STRC: variants seen among roughly 807,000 people sequenced by gnomAD.
STRC encodes the protein stereocilin.
A neutral mutation model predicts 103.5 loss-of-function variants in STRC; 43 were observed. The observed-to-expected ratio is 0.42, with a 90% CI of 0.33 to 0.54. STRC has a LOEUF of 0.54. STRC is among the 20% of genes least tolerant of loss of function. The probability of loss-of-function intolerance (pLI) is 0.14; values close to 1 mark genes in which losing one functional copy is unlikely to be tolerated. For synonymous variants in STRC, 186 were observed against 442.3 expected, an observed-to-expected ratio of 0.42 and a Z score of 7.27; for missense variants, 499 against 1,088.5, an observed-to-expected ratio of 0.46 and a Z score of 7.62.
chr15:43,604,909 C>G, intron 19 of STRC, 63 bp from the exon 20 acceptor site: 1 of 1,560,658 alleles, frequency 6.4e-7, no homozygotes, highest in Non-Finnish European at 8.7e-7. Flanking sequence ...ACACCTTGAT[C>G]AAGACACCAA....
chr15:43,603,241 C>G lies in STRC; in HGVS notation c.4545+1G>C, dbSNP rs766996620. ...ACCCCAGTTGGCTCTCCATCCCTAA[C>G]CTGTTTTGCTTTGCCCATGGCTGCC... is the stretch of plus-strand genomic sequence containing the variant. On this transcript the variant is annotated splice_donor_variant, in intron 23 of 28. Transcript: ENST00000450892. LOFTEE classifies it high-confidence loss of function. 6.2e-7 allele frequency: 1 copy of G among 1,613,490 alleles called. No individual in the cohort carries two copies. The highest frequency in any genetic ancestry group is 8.5e-7 in the Non-Finnish European group (1 of 1,179,718).
rs1292920304 is a variant in STRC at position 43,609,276 on chromosome 15, T to C, written c.3557A>G (p.Gln1186Arg). The C allele has an allele frequency of 1.2e-6, 2 of 1,610,490 alleles. No individual in the cohort carries two copies. Among genetic ancestry groups the C allele is most frequent in the South Asian group, 1.1e-5 (1 of 90,972 alleles). Reference protein sequence around the residue: ...VPTNLTLRNLQALGTLAGGMS... With the variant: ...VPTNLTLRNLRALGTLAGGMS... ...GCACTGCTCAACACAAGTTACTCAC[T>C]GCAGATTCCTGAGGGTAAGGTTGGT... The change falls in exon 16 of 29, where the codon CAG becomes CGG. Residue 1186 changes from glutamine (Q) to arginine (R), a missense_variant and splice_region_variant. By Grantham distance (43) the Gln-to-Arg change is conservative (BLOSUM62 1). Coordinates refer to ENST00000450892, the MANE Select transcript of STRC (RefSeq NM_153700.2).
intron 23 of STRC, 82 bp from the exon 24 acceptor site, chr15:43,601,633 C>T: frequency 6.9e-7 from 1 of 1,439,156 alleles, no homozygotes; most frequent in East Asian, 2.3e-5. Context: ...TTGCCTCTGC[C>T]CTTAGCTGTA....
intron 23 of STRC, among the ~76,000 whole-genome samples, chr15:43,602,247 C>G (rs951005669): frequency 6.6e-6 from 1 of 151,052 alleles, no homozygotes; most frequent in Non-Finnish European, 1.5e-5. Flanking sequence ...GTGGTGCGAT[C>G]TTGGCACATT....
chr15:43,600,914 A>G lies in STRC; in HGVS notation c.4802T>C (p.Leu1601Pro). ...GATGTGCTGGAGCTCCTCTGGCCGC[A>G]GTCCACAGAGAGTATAACCCAGCGC... is the stretch of plus-strand genomic sequence containing the variant. Reference protein sequence around the residue: ...LTALGYTLCGLRPEELQHISS... With the variant: ...LTALGYTLCGPRPEELQHISS... The change falls in exon 25 of 29, where the codon CTG becomes CCG. Residue 1601 changes from leucine to proline, a missense_variant. Leu to Pro is a moderately conservative substitution (Grantham distance 98). Coordinates refer to ENST00000450892, the MANE Select transcript of STRC (RefSeq NM_153700.2). 1 of 1,611,606 alleles carries G rather than the reference A, an allele frequency of 6.2e-7. No homozygotes were observed.
At position 43,608,091 on chromosome 15, in the gene STRC, G is replaced by C. The variant is rs727503444; in HGVS notation, c.3670C>G (p.Arg1224Gly). 6.2e-7 allele frequency: 1 copy of C among 1,609,880 alleles called. No homozygotes were observed. The highest frequency in any genetic ancestry group is 1.7e-5 in the Admixed American group (1 of 59,788). The change falls in exon 17 of 29, where the codon CGA becomes GGA. Residue 1224 changes from arginine (R) to glycine (G), a missense_variant. Arg to Gly is a moderately radical substitution (Grantham distance 125, BLOSUM62 -2). Coordinates refer to ENST00000450892, the MANE Select transcript of STRC (RefSeq NM_153700.2). ...HMIYQLPTRVRGSLRACIWAE... is the reference protein window; with the variant it reads ...HMIYQLPTRVGGSLRACIWAE... ...GCACCCCCTCTCACCAGGCTCCCTC[G>C]AACTCTAGTGGGCAGCTGATAGATC...
chr15:43,603,500 T>C, intron 22 of STRC, 89 bp from the exon 23 acceptor site: 11 of 1,394,716 alleles, frequency 7.9e-6, no homozygotes, highest in Non-Finnish European at 1.1e-5. Flanking sequence ...CTTCCAACCT[T>C]TGGAGGATAG....
Position 43,600,597 on chromosome 15 carries a change from C to G in STRC, c.4930G>C (p.Gly1644Arg). The G allele has an allele frequency of 1.2e-6, 2 of 1,613,708 alleles. No homozygotes were observed. Among genetic ancestry groups the G allele is most frequent in the Non-Finnish European group, 1.7e-6 (2 of 1,179,864 alleles). ...CAGTTACTGATTGGGCCAAACCCAC[C>G]AGGCAGTACAAGTAGGTGGGCCAGA... is the stretch of plus-strand genomic sequence containing the variant. ...EVLAHLLVLPGGFGPISNWGP... is the reference protein window; with the variant it reads ...EVLAHLLVLPRGFGPISNWGP... The change falls in exon 26 of 29, where the codon GGT becomes CGT. Residue 1644 changes from glycine to arginine, a missense_variant. Physicochemically the swap from Gly to Arg is moderately radical, Grantham distance 125 (BLOSUM62 -2). Coordinates refer to ENST00000450892, the MANE Select transcript of STRC (RefSeq NM_153700.2).
At position 43,610,947 on chromosome 15, in the gene STRC, G is replaced by A; in HGVS notation, c.3344C>T (p.Ala1115Val). Residue 1115 changes from alanine to valine, a missense_variant, in exon 14 of 29, where the codon GCT (alanine) becomes GTT (valine). By Grantham distance (64) the Ala-to-Val change is moderately conservative. Transcript: ENST00000450892. ...ACCAGGGATACACACAGCTGGACCA[G>A]CACCTGTTGTACCCATATTTTTAAC... ...DGVKNMGTTG[A>V]GPAVCIPGQP... is the part of the protein sequence containing the mutation. 6.2e-7 allele frequency: 1 copy of A among 1,611,786 alleles called. No homozygotes were observed. The highest frequency in any genetic ancestry group is 8.5e-7 in the Non-Finnish European group (1 of 1,178,424).
Position 43,605,372 on chromosome 15 carries a change from A to G in STRC, c.3822T>C (p.Asn1274=). Residue 1274 remains asparagine (N), a synonymous_variant, in exon 19 of 29, where the codon AAT becomes AAC. Transcript: ENST00000450892. ...LPIQLMDRLS[N]ESIMLVVELV... ...GCTCCACCACCAACATAATGGATTC[A>G]TTGGATAGTCTGTCCATCAACTGGA... 1 of 1,600,526 alleles carries G rather than the reference A, an allele frequency of 6.2e-7. No homozygotes were observed. The highest frequency in any genetic ancestry group is 8.5e-7 in the Non-Finnish European group (1 of 1,172,384).
At chr15:43,603,138 C>T (rs569867475) in intron 23 of STRC, 104 bp downstream of exon 23, 19 of 1,273,668 alleles carry the variant, frequency 1.5e-5, no homozygotes, top group African/African-American at 1.5e-4. Flanking sequence ...TCTTCTATCT[C>T]TTGCTTCCCC....
rs752156254 is a variant in STRC, at chr15:43,603,243, T to C, written c.4544A>G (p.Gln1515Arg). ...CCCAGTTGGCTCTCCATCCCTAACC[T>C]GTTTTGCTTTGCCCATGGCTGCCCG... is the stretch of plus-strand genomic sequence containing the variant. ...ELRAAMGKAKQLWGPPRGFRP... is the reference protein window; with the variant it reads ...ELRAAMGKAKRLWGPPRGFRP... The change falls in exon 23 of 29, where the codon CAG becomes CGG. Residue 1515 changes from glutamine to arginine, a missense_variant and splice_region_variant. By Grantham distance (43) the Gln-to-Arg change is conservative (BLOSUM62 1). Transcript: ENST00000450892. The C allele has an allele frequency of 6.2e-7, 1 of 1,613,450 alleles. No homozygotes were observed. Among genetic ancestry groups the C allele is most frequent in the South Asian group, 1.1e-5 (1 of 91,036 alleles).
chr15:43,601,638 G>T, intron 23 of STRC, 87 bp from the exon 24 acceptor site: 2 of 1,379,400 alleles, frequency 1.4e-6, no homozygotes, highest in Non-Finnish European at 2.1e-6. Context: ...TCTGCCCTTA[G>T]CTGTATAACT....
At chr15:43,601,816 G>A (rs2085671230) in intron 23 of STRC, 3 of 464,704 alleles carry the variant, frequency 6.5e-6, no homozygotes, top group South Asian at 2.1e-5. Context: ...ACACAGAGAC[G>A]CTTATTAAAA....
rs1415998687 is a variant in STRC at position 43,605,339 on chromosome 15, T to C, written c.3855A>G (p.Gln1285=). 5.0e-6 allele frequency: 8 copies of C among 1,591,982 alleles called. 1 individual carries two copies. Among genetic ancestry groups the C allele is most frequent in the Non-Finnish European group, 6.9e-6 (8 of 1,167,668 alleles). The change falls in exon 19 of 29, where the codon CAA becomes CAG. Residue 1285 remains glutamine (Q), a synonymous_variant. Transcript: ENST00000450892. ...GTGCCAGCAGCTGCTCTGGAGCTCT[T>C]TGCACCAGCTCCACCACCAACATAA... ...ESIMLVVELV[Q]RAPEQLLALT... is the part of the protein sequence containing the mutation.
Position 43,610,946 on chromosome 15 carries a change from A to C in STRC, c.3345T>G (p.Ala1115=), listed in dbSNP as rs772757677. The C allele has an allele frequency of 6.2e-7, 1 of 1,611,800 alleles. No individual in the cohort carries two copies. Among genetic ancestry groups the C allele is most frequent in the Non-Finnish European group, 8.5e-7 (1 of 1,178,414 alleles). Residue 1115 remains alanine, a synonymous_variant, in exon 14 of 29, where the codon GCT becomes GCG. Transcript: ENST00000450892. ...GACCAGGGATACACACAGCTGGACC[A>C]GCACCTGTTGTACCCATATTTTTAA... The part of the protein sequence containing the change: ...DGVKNMGTTG[A]GPAVCIPGQP...
intron 16 of STRC, 48 bp downstream of exon 16, chr15:43,609,228 A>G: frequency 1.3e-6 from 2 of 1,593,222 alleles, no homozygotes; most frequent in South Asian, 2.2e-5. Flanking sequence ...TAAGCACTCA[A>G]AAAAATGTTG....
chr15:43,611,065 C>T (rs1487974702), intron 13 of STRC, 81 bp from the exon 14 acceptor site: 3 of 1,547,766 alleles, frequency 1.9e-6, no homozygotes, highest in Non-Finnish European at 2.6e-6. Context: ...AAAGGCCTTC[C>T]CTGGCCTCAG....
chr15:43,605,817 C>T (rs2085708330), intron 18 of STRC, among the ~76,000 whole-genome samples: 1 of 44,842 alleles, frequency 2.2e-5, no homozygotes, highest in Non-Finnish European at 4.5e-5. Context: ...CTTGTTTGTA[C>T]GTGCTATACA....
Sources: gnomAD v4.1 joint callset for allele counts (sites outside exome capture counted in the v4.1 genomes callset) on GRCh38, gnomAD v4.1.1 for gene constraint, MANE v1.5 for transcripts, NCBI Gene and HGNC (gene_info 2026-07-23, HGNC 2026-07-21) for gene names.